SEPTIN7: variants seen among roughly 807,000 people sequenced by gnomAD.
The protein encoded by SEPTIN7 is septin 7.
SEPTIN7 carries 10 observed loss-of-function variants against 63.3 expected under a neutral mutation model. The ratio of observed to expected loss-of-function variants is 0.16; its 90% CI spans 0.10 to 0.27. The LOEUF (loss-of-function observed/expected upper bound fraction) is 0.27, where lower values mean the gene tolerates loss of function less well. Among genes scored for constraint, SEPTIN7 ranks in the 10% least tolerant of loss-of-function variants. The pLI is 1.00. For synonymous variants in SEPTIN7, 131 were observed against 165.3 expected (o/e 0.79, Z 1.59); for missense variants, 310 against 521.0 (o/e 0.59, Z 3.94).
At chr7:35,857,716 T>C (rs1197805216) in intron 3 of SEPTIN7, among the ~76,000 whole-genome samples, 2 of 152,168 alleles carry the variant, frequency 1.3e-5, no homozygotes, top group African/African-American at 4.8e-5. Context: ...GGAAAAAGTA[T>C]TATCTTAACT....
At chr7:35,913,387 ATCTTTCTTTCTTTCTTTC>A in the SEPTIN7 span, among the ~76,000 whole-genome samples, 1 of 138,878 alleles carries the variant, frequency 7.2e-6, no homozygotes, top group Non-Finnish European at 1.6e-5. Context: ...CTTTCTTTTT[ATCTTTCTTTCTTTCTTTC>A]TCTTTCTTTC....
At chr7:35,913,476 C>CCCTTCCTTCCCTTCCTT in the SEPTIN7 span, among the ~76,000 whole-genome samples, 11 of 144,070 alleles carry the variant, frequency 7.6e-5, no homozygotes, top group Non-Finnish European at 1.4e-4. Context: ...TTCTTTCTTC[C>CCCTTCCTTCCCTTCCTT]CCTTCCTTCC....
rs556829718 is a variant in SEPTIN7 at position 35,819,982 on chromosome 7, C to CT, written c.62-11496dup. Among the ~76,000 whole-genome samples the CT allele has an allele frequency of 4.7e-3, 666 of 140,634 alleles. 6 individuals are homozygous for CT. The highest frequency in any genetic ancestry group is 0.015 in the Middle Eastern group (4 of 270). The allele number at this position is 140,634 out of a possible 152,430, so 92.3% of individuals were successfully genotyped here. ...AATTTTGCTGTTTTCTACATCTTGT[C>CT]TTTTTTTTTTTTTTGAGACAGGGTC... On this transcript the variant is annotated intron_variant, in intron 1 of 13. Transcript: ENST00000350320.
chr7:35,811,794 C>T (rs189440399), intron 1 of SEPTIN7, among the ~76,000 whole-genome samples: 10 of 152,088 alleles, frequency 6.6e-5, no homozygotes, highest in South Asian at 2.1e-4. Flanking sequence ...GAGGCCGAGG[C>T]GGGTGGATCA....
At chr7:35,849,193 A>G (rs1405729105) in intron 3 of SEPTIN7, among the ~76,000 whole-genome samples, 1 of 152,226 alleles carries the variant, frequency 6.6e-6, no homozygotes, top group Non-Finnish European at 1.5e-5. Context: ...CTTATAGTAA[A>G]TTCCAGATCA....
rs369124821 is a variant in SEPTIN7 at position 35,906,743 on chromosome 7, C to T, written c.*2450C>T. The T allele has an allele frequency of 6.6e-6, 1 of 152,148 alleles. No individual in the cohort carries two copies. The highest frequency in any genetic ancestry group is 1.9e-4 in the East Asian group (1 of 5,194). The allele number at this position is 152,148 out of a possible 1,614,324, so 9.4% of individuals were successfully genotyped here. On this transcript the variant is annotated 3_prime_UTR_variant, in exon 14 of 14. Transcript: ENST00000350320. ...GTAATCTTGAAAGCTGAGGAGATACCCATGCCTCTCAGACTCATTAGCTGG... is the reference window on the plus strand; with the variant it reads ...GTAATCTTGAAAGCTGAGGAGATACTCATGCCTCTCAGACTCATTAGCTGG...
At position 35,904,557 on chromosome 7, in the gene SEPTIN7, T is replaced by G; in HGVS notation, c.*264T>G. On this transcript the variant is annotated 3_prime_UTR_variant, in exon 14 of 14. Transcript: ENST00000350320. ...TATTAAACAGATATCTTCAGTTTAA[T>G]GCAAGAGAACATTTTACTGTTGTAC... 3.5e-6 allele frequency: 1 copy of G among 284,460 alleles called. No homozygotes were observed. The highest frequency in any genetic ancestry group is 6.5e-6 in the Non-Finnish European group (1 of 153,968). The allele number at this position is 284,460 out of a possible 1,614,324, so 17.6% of individuals were successfully genotyped here. A position where few individuals can be genotyped will look rare whatever the true frequency, so the allele number is the denominator to read the frequency against.
intron 11 of SEPTIN7, among the ~76,000 whole-genome samples, chr7:35,894,060 A>T (rs568702122): frequency 6.6e-5 from 10 of 152,028 alleles, no homozygotes; most frequent in African/African-American, 2.4e-4. Flanking sequence ...AGGGGAGAAG[A>T]GTTGGTCATA....
Position 35,806,478 on chromosome 7 carries a change from G to A in SEPTIN7, c.61+5208G>A, listed in dbSNP as rs543757233. Among the ~76,000 whole-genome samples, 18 of 152,216 alleles carry A rather than the reference G, an allele frequency of 1.2e-4. No individual in the cohort carries two copies. In the South Asian group the frequency reaches 3.7e-3, roughly 32 times the overall value. On this transcript the variant is annotated intron_variant, in intron 1 of 13. Coordinates refer to ENST00000350320, the MANE Select transcript of SEPTIN7 (RefSeq NM_001788.6). ...AAGACCCATTGATTAGCAATCTCTG[G>A]GAGAGGGACCCAGGAGTCTACATTT...
chr7:35,842,054 T>C (rs1784433392), intron 3 of SEPTIN7, among the ~76,000 whole-genome samples: 1 of 152,236 alleles, frequency 6.6e-6, no homozygotes, highest in South Asian at 2.1e-4. Flanking sequence ...TCCCCCTTTA[T>C]ATTTAGTCCA....
chr7:35,907,626 T>C (rs568552481), downstream of SEPTIN7, among the ~76,000 whole-genome samples: 35 of 152,268 alleles, frequency 2.3e-4, no homozygotes, highest in African/African-American at 6.5e-4. Context: ...GCTTAAATAT[T>C]ACGCCTTGCA....
chr7:35,807,274 C>T (rs1209824051), intron 1 of SEPTIN7, among the ~76,000 whole-genome samples: 1 of 151,202 alleles, frequency 6.6e-6, no homozygotes, highest in Non-Finnish European at 1.5e-5. Flanking sequence ...GCCTCCGCCT[C>T]CCCGGTTCAA....
intron 11 of SEPTIN7, among the ~76,000 whole-genome samples, chr7:35,893,577 G>A (rs1158620974): frequency 1.3e-5 from 2 of 152,112 alleles, no homozygotes; most frequent in Non-Finnish European, 2.9e-5. Flanking sequence ...TTGTTGAACC[G>A]ATGACAAGTG....
intron 3 of SEPTIN7, among the ~76,000 whole-genome samples, chr7:35,848,832 A>G (rs1261898209): frequency 1.3e-5 from 2 of 152,334 alleles, no homozygotes; most frequent in East Asian, 1.9e-4. Context: ...GTAATTGTCC[A>G]CTTGAACTGG....
At chr7:35,839,632 A>G (rs1285591065) in intron 3 of SEPTIN7, among the ~76,000 whole-genome samples, 1 of 152,090 alleles carries the variant, frequency 6.6e-6, no homozygotes, top group African/African-American at 2.4e-5. Context: ...GGCTCACTGC[A>G]ACCTCCACCT....
chr7:35,883,847 A>G, intron 8 of SEPTIN7, 44 bp from the exon 9 acceptor site: 1 of 1,049,684 alleles, frequency 9.5e-7, no homozygotes, highest in Admixed American at 2.2e-5. Flanking sequence ...TGAATTTGTG[A>G]GGACTACAGA....
chr7:35,808,657 C>T (rs1405186174), intron 1 of SEPTIN7, among the ~76,000 whole-genome samples: 1 of 152,156 alleles, frequency 6.6e-6, no homozygotes, highest in African/African-American at 2.4e-5. Context: ...TGTGCCCTAA[C>T]ATAGTAGAAG....
intron 3 of SEPTIN7, among the ~76,000 whole-genome samples, chr7:35,836,887 AT>A (rs1474886893): frequency 1.3e-5 from 2 of 152,108 alleles, no homozygotes; most frequent in Non-Finnish European, 2.9e-5. Flanking sequence ...TGATTTTAAG[AT>A]TTTTCCTTGA....
chr7:35,850,318 T>A (rs892431424), intron 3 of SEPTIN7, among the ~76,000 whole-genome samples: 21 of 152,196 alleles, frequency 1.4e-4, no homozygotes, highest in Non-Finnish European at 8.8e-5. Flanking sequence ...CATATACTTG[T>A]AGGTGATTGA....
Sources: allele counts gnomAD v4.1 joint callset (sites outside exome capture counted in the v4.1 genomes callset), GRCh38; gene constraint gnomAD v4.1.1; transcripts MANE v1.5; gene names NCBI Gene and HGNC (gene_info 2026-07-23, HGNC 2026-07-21).